Variants in TASOR2 observed in about 807,000 individuals in gnomAD.
TASOR2 encodes the protein transcription activation suppressor family member 2, also known as protein TASOR 2.
A neutral mutation model predicts 199.5 loss-of-function variants in TASOR2; 84 were observed. The ratio of observed to expected loss-of-function variants is 0.42; its 90% CI spans 0.35 to 0.50. The LOEUF is 0.50. TASOR2 is among the 20% of genes least tolerant of loss of function. The probability of loss-of-function intolerance (pLI) is 0.02; values close to 1 mark genes in which losing one functional copy is unlikely to be tolerated. For missense variants in TASOR2, 2,796 were observed against 2,835.9 expected (o/e 0.99, Z 0.32); for synonymous variants, 1,103 against 1,046.6 (o/e 1.05, Z -1.04).
At chr10:5,713,842 T>G (rs1026248478) in intron 2 of TASOR2, 4 of 199,156 alleles carry the variant, frequency 2.0e-5, no homozygotes, top group African/African-American at 9.2e-5. Context: ...AAATACAGAT[T>G]GCTTTGCATA....
rs1233615666 is a variant in TASOR2 at position 5,748,180 on chromosome 10, TTGTC to T, written c.4762_4765del (p.Ser1588ThrfsTer12). On this transcript the variant is annotated frameshift_variant, in exon 15 of 21. Coordinates refer to ENST00000328090, the Ensembl canonical transcript of TASOR2. LOFTEE classifies it high-confidence loss of function. The surrounding 1 kb of genome is among the most constrained non-coding windows in gnomAD (Gnocchi z 5.1). ...TAGAAATGTTATTGAAAATAAGTCT[TTGTC>T]TGACACATTGGTTTCCACAACTGCA... 3 of 1,614,218 alleles carry T rather than the reference TTGTC, an allele frequency of 1.9e-6. No individual in the cohort carries two copies. Among genetic ancestry groups the T allele is most frequent in the South Asian group, 1.1e-5 (1 of 91,082 alleles).
chr10:5,690,806 C>T lies in TASOR2; in HGVS notation c.-288+5631C>T, dbSNP rs1836330614. On this transcript the variant is annotated intron_variant, in intron 1 of 20. Coordinates refer to ENST00000328090, the Ensembl canonical transcript of TASOR2. This position sits in a 1 kb window ranked among gnomAD's most constrained non-coding sequence, Gnocchi z 4.8. ...AATGCCAAAGCACAAACTCATAAAC[C>T]CAGTTGATGAGGAGCCAGAACAATG... Among the ~76,000 whole-genome samples the T allele has an allele frequency of 1.3e-5, 2 of 152,056 alleles. No individual in the cohort carries two copies. The highest frequency in any genetic ancestry group is 2.9e-5 in the Non-Finnish European group (2 of 68,000).
At chr10:5,718,761 CAAAAA>C (rs35051277) in intron 3 of TASOR2, among the ~76,000 whole-genome samples, 1 of 134,658 alleles carries the variant, frequency 7.4e-6, no homozygotes. Context: ...AACTCTGTCT[CAAAAA>C]AAAAAAAAAA....
chr10:5,717,684 C>T (rs1253016583), exon 3 of TASOR2: 2 of 1,225,050 alleles, frequency 1.6e-6, no homozygotes, highest in Non-Finnish European at 1.0e-6. Flanking sequence ...AATACTCCGA[C>T]TGTCTTCATT....
intron 15 of TASOR2, among the ~76,000 whole-genome samples, chr10:5,753,353 G>GGTTT (rs368757231): frequency 4.0e-4 from 61 of 152,048 alleles, no homozygotes; most frequent in South Asian, 8.3e-4. Context: ...TGTTTGCCAA[G>GGTTT]GTTTGTTTGT....
At chr10:5,712,905 A>T (rs1324064774) in exon 2 of TASOR2, 1 of 1,229,474 alleles carries the variant, frequency 8.1e-7, no homozygotes, top group African/African-American at 1.6e-5. Flanking sequence ...CTTCTGTTTG[A>T]TACTGAAAAG....
chr10:5,706,201 A>G lies in TASOR2; in HGVS notation c.-287-6622A>G, dbSNP rs941655945. 7.2e-5 allele frequency among the ~76,000 whole-genome samples: 11 copies of G among 152,162 alleles called. No homozygotes were observed. Among genetic ancestry groups the G allele is most frequent in the African/African-American group, 2.7e-4 (11 of 41,432 alleles). ...ACTCTATTCTGTTCCATTGATCTAT[A>G]TGCATTTTCTTTGTATCATTACCAC... On this transcript the variant is annotated intron_variant, in intron 1 of 20. Coordinates refer to ENST00000328090, the Ensembl canonical transcript of TASOR2. This position sits in a 1 kb window ranked among gnomAD's most constrained non-coding sequence, Gnocchi z 4.8.
At chr10:5,705,129 C>G (rs190649138) in intron 1 of TASOR2, among the ~76,000 whole-genome samples, 2 of 152,142 alleles carry the variant, frequency 1.3e-5, no homozygotes, top group Non-Finnish European at 2.9e-5. Flanking sequence ...CCAGAAAGTT[C>G]CCTTGTGCAT....
chr10:5,733,051 C>T (rs1841616980), intron 11 of TASOR2, among the ~76,000 whole-genome samples: 1 of 152,174 alleles, frequency 6.6e-6, no homozygotes, highest in African/African-American at 2.4e-5. Context: ...ATCTATAACT[C>T]AACATAAATT....
chr10:5,695,373 T>C (rs574634917), intron 1 of TASOR2, among the ~76,000 whole-genome samples: 1 of 152,336 alleles, frequency 6.6e-6, no homozygotes, highest in South Asian at 2.1e-4. Context: ...TAGATTGTGC[T>C]TTTTATGCAT....
At chr10:5,743,045 G>C (rs1274591817) in intron 14 of TASOR2, among the ~76,000 whole-genome samples, 1 of 152,186 alleles carries the variant, frequency 6.6e-6, no homozygotes, top group African/African-American at 2.4e-5. Context: ...AATATACTTT[G>C]TTTTGTTCCT....
rs533031262 is a variant in TASOR2, at chr10:5,718,402, A to C, written c.-100+652A>C. Reference sequence around the variant, plus strand: ...TAAATGACCTTTAATTAAAAAAAAAAAAAAAACAAGAGCCTGTGAATTCTT... The same window carrying C: ...TAAATGACCTTTAATTAAAAAAAAACAAAAAACAAGAGCCTGTGAATTCTT... On this transcript the variant is annotated intron_variant, in intron 3 of 20. Coordinates refer to ENST00000328090, the Ensembl canonical transcript of TASOR2. 3.2e-3 allele frequency among the ~76,000 whole-genome samples: 483 copies of C among 151,188 alleles called. 3 individuals are homozygous for C. The highest frequency in any genetic ancestry group is 0.011 in the African/African-American group (458 of 41,306).
chr10:5,721,259 A>G (rs1833320517), intron 6 of TASOR2, among the ~76,000 whole-genome samples: 1 of 152,230 alleles, frequency 6.6e-6, no homozygotes, highest in Non-Finnish European at 1.5e-5. Context: ...CAAATATAGC[A>G]GATTATAGCC....
rs778354641 is a variant in TASOR2 at position 5,748,282 on chromosome 10, G to T, written c.4861G>T (p.Gly1621Cys). The stretch of plus-strand genomic sequence containing the variant: ...AAGCAGTCAGAACCATCTCTTTCCC[G>T]GTGATTTGAAAACAGATGAAGGCAT... The change falls in exon 15 of 21, where the codon GGT becomes TGT. Residue 1621 changes from glycine to cysteine, a missense_variant. Transcript: ENST00000328090. The surrounding 1 kb of genome is among the most constrained non-coding windows in gnomAD (Gnocchi z 5.1). 6.2e-7 allele frequency: 1 copy of T among 1,614,162 alleles called. No individual in the cohort carries two copies. Among genetic ancestry groups the T allele is most frequent in the Non-Finnish European group, 8.5e-7 (1 of 1,180,032 alleles).
downstream of TASOR2, chr10:5,763,740 ATC>A (rs1373693783): frequency 6.6e-6 from 1 of 152,218 alleles, no homozygotes; most frequent in Non-Finnish European, 1.5e-5. Flanking sequence ...ACTAAAAATA[ATC>A]TCTTTCTGCA....
chr10:5,689,121 C>T lies in TASOR2; in HGVS notation c.-288+3946C>T, dbSNP rs911248686. 6.6e-5 allele frequency among the ~76,000 whole-genome samples: 10 copies of T among 152,164 alleles called. No individual in the cohort carries two copies. The highest frequency in any genetic ancestry group is 2.4e-4 in the African/African-American group (10 of 41,450). On this transcript the variant is annotated intron_variant, in intron 1 of 20. Coordinates refer to ENST00000328090, the Ensembl canonical transcript of TASOR2. This position sits in a 1 kb window ranked among gnomAD's most constrained non-coding sequence, Gnocchi z 4.1. ...CAGCCATTCTTGAATGATGTTTTTG[C>T]TGAATACAAAAGTTGGCAATTGTTT...
rs902058780 is a variant in TASOR2, at chr10:5,737,422, G to A, written c.1447+1876G>A. Among the ~76,000 whole-genome samples, 2 of 151,318 alleles carry A rather than the reference G, an allele frequency of 1.3e-5. No individual in the cohort carries two copies. The highest frequency in any genetic ancestry group is 4.9e-5 in the African/African-American group (2 of 41,124). ...TGCTGCAGTTTTGGCTTCCATACCA[G>A]ATTTGAGCTCTTCTGCTTGTCCCTC... is the stretch of plus-strand genomic sequence containing the variant. On this transcript the variant is annotated intron_variant, in intron 12 of 20. Coordinates refer to ENST00000328090, the Ensembl canonical transcript of TASOR2. The surrounding 1 kb of genome is among the most constrained non-coding windows in gnomAD (Gnocchi z 4.9).
In TASOR2 at chr10:5,719,825, C is replaced by G. The variant is rs969767686; in HGVS notation, c.-99-719C>G. Among the ~76,000 whole-genome samples, 1 of 152,152 alleles carries G rather than the reference C, an allele frequency of 6.6e-6. No homozygotes were observed. Among genetic ancestry groups the G allele is most frequent in the African/African-American group, 2.4e-5 (1 of 41,432 alleles). On this transcript the variant is annotated intron_variant, in intron 3 of 20. Transcript: ENST00000328090. This position sits in a 1 kb window ranked among gnomAD's most constrained non-coding sequence, Gnocchi z 4.1. The stretch of plus-strand genomic sequence containing the variant: ...TAGAAGTATCTCAGTTTATAATTTA[C>G]AACTGATCATAGTTCAGATTGGAAA...
rs552780444 is a variant in TASOR2, at chr10:5,749,815, G to A, written c.6394G>A (p.Asp2132Asn). 2.5e-6 allele frequency: 4 copies of A among 1,614,098 alleles called. No individual in the cohort carries two copies. The East Asian group carries it at 8.9e-5, about 36-fold the overall frequency. ...GAATAGCAACCAATTCATTTTCCAA[G>A]ACAAAGAGCTAAATGATGTTTCTGG... The change falls in exon 15 of 21, where the codon GAC becomes AAC. Residue 2132 changes from aspartate (D) to asparagine (N), a missense_variant. This residue lies in a region of TASOR2 where 1,941 missense variants were observed against 1,924.9 expected (regional missense o/e 1.01). Transcript: ENST00000328090.
Sources: gnomAD v4.1 joint callset for allele counts (sites outside exome capture counted in the v4.1 genomes callset) on GRCh38, gnomAD v4.1.1 for gene constraint, gnomAD v4.1.1 regional missense constraint, Gnocchi (gnomAD v3.1) non-coding constraint, MANE v1.5 for transcripts, NCBI Gene and HGNC (gene_info 2026-07-23, HGNC 2026-07-21) for gene names.